PRRC2B: variants seen among roughly 807,000 people sequenced by gnomAD.
PRRC2B encodes protein PRRC2B.
In PRRC2B, 68 loss-of-function variants were observed where a neutral mutation model predicts 242.3. The observed-to-expected ratio is 0.28, with a 90% confidence interval of 0.23 to 0.34. The LOEUF (loss-of-function observed/expected upper bound fraction) is 0.34. Ranked by LOEUF, PRRC2B falls within the 10% of genes least tolerant of loss-of-function variation. The pLI, the probability that PRRC2B is intolerant of heterozygous loss-of-function variation, is 1.00. For synonymous variants in PRRC2B, 1,228 were observed against 1,173.6 expected (o/e 1.05, Z -0.95); for missense variants, 2,835 against 2,954.8 (o/e 0.96, Z 0.94).
chr9:131,378,213 G>T (rs1342592463), intron 1 of PRRC2B, among the ~76,000 whole-genome samples: 1 of 151,796 alleles, frequency 6.6e-6, no homozygotes, highest in East Asian at 1.9e-4. Context: ...GGAGGCTGAG[G>T]CAGGAGAATC....
intron 1 of PRRC2B, among the ~76,000 whole-genome samples, chr9:131,405,720 G>T (rs1048062496): frequency 4.6e-5 from 7 of 152,084 alleles, no homozygotes; most frequent in Admixed American, 4.6e-4. Context: ...TCTGGCTCCT[G>T]GGGGGGTTAT....
chr9:131,374,399 A>G (rs776851839), intron 1 of PRRC2B, among the ~76,000 whole-genome samples: 28 of 152,232 alleles, frequency 1.8e-4, no homozygotes, highest in Non-Finnish European at 3.8e-4. Flanking sequence ...GTTTATGTTT[A>G]TCTGTATTCT....
intron 2 of PRRC2B, among the ~76,000 whole-genome samples, chr9:131,430,593 G>A (rs1838130359): frequency 7.4e-6 from 1 of 135,846 alleles, no homozygotes; most frequent in Non-Finnish European, 1.6e-5. Flanking sequence ...GTGTGTGTGT[G>A]TGTATATATA....
intron 3 of PRRC2B, among the ~76,000 whole-genome samples, chr9:131,433,868 A>G (rs1489329570): frequency 6.6e-6 from 1 of 152,270 alleles, no homozygotes; most frequent in Admixed American, 6.5e-5. Flanking sequence ...TTATTCAGCT[A>G]GATGATTATA....
chr9:131,418,303 G>A (rs528838919), intron 1 of PRRC2B, among the ~76,000 whole-genome samples: 2 of 152,380 alleles, frequency 1.3e-5, no homozygotes, highest in East Asian at 3.9e-4. Context: ...GGAAACTTGT[G>A]TGTAGAGAGA....
intron 28 of PRRC2B, chr9:131,491,206 T>C (rs993643054): frequency 2.0e-6 from 1 of 502,712 alleles, no homozygotes; most frequent in Admixed American, 4.0e-5. Flanking sequence ...ACCTACTCTA[T>C]TCCAGCAAGA....
chr9:131,442,770 G>A (rs1053278227), intron 5 of PRRC2B, among the ~76,000 whole-genome samples: 1 of 152,194 alleles, frequency 6.6e-6, no homozygotes. Context: ...CTCCTGTCTG[G>A]AGTGTGCTGC....
At chr9:131,486,674 C>G in intron 26 of PRRC2B, 1 of 351,728 alleles carries the variant, frequency 2.8e-6, no homozygotes, top group Non-Finnish European at 4.0e-6. Flanking sequence ...AGCCGCCCCT[C>G]AGACCCATGT....
intron 19 of PRRC2B, 68 bp from the exon 20 acceptor site, chr9:131,481,658 T>C (rs997870321): frequency 1.6e-5 from 20 of 1,274,060 alleles, no homozygotes; most frequent in Non-Finnish European, 2.0e-5. Flanking sequence ...GCTTGTTCTT[T>C]AAGAGCTCAT....
In PRRC2B at chr9:131,470,887, G is replaced by T. The variant is rs1291649329; in HGVS notation, c.2011G>T (p.Asp671Tyr). ...YPHHPQMLGF[D>Y]PRWMMMPSYM... The stretch of plus-strand genomic sequence containing the variant: ...ACACCACCCCCAGATGTTGGGCTTC[G>T]ATCCCAGGTGGATGATGATGCCTTC... Residue 671 changes from aspartate to tyrosine, a missense_variant, in exon 14 of 32, where the codon GAT (aspartate) becomes TAT (tyrosine). Coordinates refer to ENST00000683519, the MANE Select transcript of PRRC2B (RefSeq NM_013318.4). 1 of 1,609,010 alleles carries T rather than the reference G, an allele frequency of 6.2e-7. No homozygotes were observed. Among genetic ancestry groups the T allele is most frequent in the Non-Finnish European group, 8.5e-7 (1 of 1,177,448 alleles).
At position 131,458,509 on chromosome 9, in the gene PRRC2B, T is replaced by A. The variant is rs899633299; in HGVS notation, c.1212-655T>A. On this transcript the variant is annotated intron_variant, in intron 10 of 31. Transcript: ENST00000683519. ...TACCTCATAATGTGTTTTTATTTTT[T>A]TTTTTTTCTGAGACGGAGTCTCTCT... 6.7e-4 allele frequency among the ~76,000 whole-genome samples: 102 copies of A among 152,224 alleles called. 1 individual carries two copies. The highest frequency in any genetic ancestry group is 2.1e-3 in the East Asian group (11 of 5,142).
intron 9 of PRRC2B, 74 bp from the exon 10 acceptor site, chr9:131,455,002 A>G (rs1943031704): frequency 3.4e-6 from 4 of 1,165,534 alleles, no homozygotes; most frequent in South Asian, 2.6e-5. Context: ...GATTACAGGC[A>G]TGAGCCACCA....
intron 1 of PRRC2B, among the ~76,000 whole-genome samples, chr9:131,398,164 C>G (rs956287303): frequency 6.6e-6 from 1 of 152,192 alleles, no homozygotes; most frequent in Non-Finnish European, 1.5e-5. Flanking sequence ...GACTGGACCT[C>G]CTCACCTGGG....
chr9:131,430,952 C>CT (rs779240208), intron 2 of PRRC2B, among the ~76,000 whole-genome samples: 3,053 of 137,580 alleles, frequency 0.022, 53 homozygotes, highest in African/African-American at 0.039. Context: ...TAGTGTTATC[C>CT]TTTTTTTTTT....
Position 131,436,670 on chromosome 9 carries a change from T to C in PRRC2B, c.344T>C (p.Leu115Ser), listed in dbSNP as rs774798131. Residue 115 changes from leucine (L) to serine (S), a missense_variant, in exon 4 of 32, where the codon TTG becomes TCG. Physicochemically the swap from Leu to Ser is moderately radical, Grantham distance 145. Around this residue, in one of 7 missense-constraint regions of PRRC2B, gnomAD observed 626 missense variants for 685.5 expected, o/e 0.91. Coordinates refer to ENST00000683519, the MANE Select transcript of PRRC2B (RefSeq NM_013318.4). The stretch of plus-strand genomic sequence containing the variant: ...CCGGAGTCGCTGCCGCAGCCGGGTT[T>C]GCAGAAATCTGTCTCCAATTTGCAG... ...QPPESLPQPG[L>S]QKSVSNLQKP... The C allele has an allele frequency of 1.2e-5, 19 of 1,613,936 alleles. No individual in the cohort carries two copies. Among genetic ancestry groups the C allele is most frequent in the Non-Finnish European group, 1.6e-5 (19 of 1,179,908 alleles).
intron 1 of PRRC2B, among the ~76,000 whole-genome samples, chr9:131,401,746 T>A (rs1837232195): frequency 6.7e-6 from 1 of 148,394 alleles, no homozygotes; most frequent in Non-Finnish European, 1.5e-5. Context: ...CTGCAGCCTC[T>A]GCTTCCTGGG....
chr9:131,483,712 C>T (rs1348478228), intron 23 of PRRC2B, among the ~76,000 whole-genome samples: 1 of 152,190 alleles, frequency 6.6e-6, no homozygotes, highest in Non-Finnish European at 1.5e-5. Context: ...CAGACTCAGG[C>T]TGCCTTTTCT....
At chr9:131,434,015 A>G (rs1838260857) in intron 3 of PRRC2B, among the ~76,000 whole-genome samples, 1 of 152,192 alleles carries the variant, frequency 6.6e-6, no homozygotes, top group Admixed American at 6.5e-5. Context: ...TAGACCACTT[A>G]TTAGCTTGAT....
Position 131,491,588 on chromosome 9 carries a change from G to A in PRRC2B, c.6381+8G>A. The A allele has an allele frequency of 6.2e-7, 1 of 1,605,200 alleles. No individual in the cohort carries two copies. Among genetic ancestry groups the A allele is most frequent in the Non-Finnish European group, 8.5e-7 (1 of 1,176,270 alleles). ...CTGAACACCAGCAGAGAGGTAAGGG[G>A]ACCCCATCTGCCTCTGACCCTAGGG... On this transcript the variant is annotated splice_region_variant and intron_variant, in intron 29 of 31. Transcript: ENST00000683519.
Sources: gnomAD v4.1 joint callset for allele counts (sites outside exome capture counted in the v4.1 genomes callset) on GRCh38, gnomAD v4.1.1 for gene constraint, gnomAD v4.1.1 regional missense constraint, MANE v1.5 for transcripts, NCBI Gene and HGNC (gene_info 2026-07-23, HGNC 2026-07-21) for gene names.